Variants in UBE2L3 observed in about 807,000 individuals in gnomAD.
The protein encoded by UBE2L3 is ubiquitin conjugating enzyme E2 L3.
UBE2L3 carries 1 observed loss-of-function variant against 17.8 expected under a neutral mutation model. That is an observed-to-expected ratio of 0.06 (90% CI 0.02 to 0.27). UBE2L3 has a LOEUF of 0.27. UBE2L3 is among the 10% of genes least tolerant of loss of function. UBE2L3 has a pLI of 1.00. For missense variants in UBE2L3, 40 were observed against 192.6 expected (o/e 0.21, Z 4.69); for synonymous variants, 44 against 68.5 (o/e 0.64, Z 1.76).
At chr22:21,562,192 T>G (rs1367406947) in intron 1 of UBE2L3, among the ~76,000 whole-genome samples, 87 of 148,414 alleles carry the variant, frequency 5.9e-4, no homozygotes, top group African/African-American at 2.0e-3. Flanking sequence ...TACCTCTTTT[T>G]TTTTTCTTTT....
chr22:21,582,781 C>T (rs762326278), intron 1 of UBE2L3, among the ~76,000 whole-genome samples: 32 of 152,172 alleles, frequency 2.1e-4, no homozygotes, highest in Non-Finnish European at 4.1e-4. Flanking sequence ...GCCTCAGCCT[C>T]CCAAAGTGCT....
At chr22:21,601,710 G>T (rs934764897) in intron 2 of UBE2L3, among the ~76,000 whole-genome samples, 1 of 150,240 alleles carries the variant, frequency 6.7e-6, no homozygotes, top group Non-Finnish European at 1.5e-5. Flanking sequence ...GCTCACTCAC[G>T]CCTGTAATCC....
intron 2 of UBE2L3, among the ~76,000 whole-genome samples, chr22:21,604,732 T>C (rs1395401317): frequency 6.6e-6 from 1 of 152,186 alleles, no homozygotes; most frequent in Non-Finnish European, 1.5e-5. Context: ...GTATATCTTA[T>C]GTTTTAATTT....
chr22:21,575,857 G>T (rs1237475077), intron 1 of UBE2L3, among the ~76,000 whole-genome samples: 3 of 151,484 alleles, frequency 2.0e-5, no homozygotes, highest in Non-Finnish European at 4.4e-5. Context: ...TCCCAGGCTG[G>T]TCTCGAACTC....
intron 3 of UBE2L3, among the ~76,000 whole-genome samples, chr22:21,614,830 G>C (rs1465515701): frequency 6.7e-6 from 1 of 150,162 alleles, no homozygotes; most frequent in Non-Finnish European, 1.5e-5. Context: ...AGTGAAAAGA[G>C]CCCAAATGTC....
intron 3 of UBE2L3, among the ~76,000 whole-genome samples, chr22:21,618,580 A>T (rs996424291): frequency 4.0e-5 from 6 of 150,784 alleles, no homozygotes; most frequent in African/African-American, 7.3e-5. Context: ...CATCTCAAAA[A>T]ATATATATAT....
At chr22:21,568,148 G>A in intron 1 of UBE2L3, 1 of 1,024,014 alleles carries the variant, frequency 9.8e-7, no homozygotes, top group African/African-American at 1.7e-5. Flanking sequence ...CCCGAGCGCC[G>A]GAGCCCCTGC....
chr22:21,597,775 A>ATTTTTTTTTTTTTTTTTTTTTTTTT lies in UBE2L3; in HGVS notation c.123+4827_123+4851dup, dbSNP rs35054754. Among the ~76,000 whole-genome samples, 7 of 25,600 alleles carry ATTTTTTTTTTTTTTTTTTTTTTTTT rather than the reference A, an allele frequency of 2.7e-4. 2 individuals carry two copies. The highest frequency in any genetic ancestry group is 1.1e-3 in the East Asian group (1 of 894). 16.8% of individuals were successfully genotyped at this position (25,600 alleles called of 152,430 possible). ...GGATCTTTGATCCATTTATATGTAG[A>ATTTTTTTTTTTTTTTTTTTTTTTTT]TTTTTTTTTTTTTTTTTTTTTTTTT... On this transcript the variant is annotated intron_variant, in intron 2 of 3. Transcript: ENST00000342192.
chr22:21,612,742 C>T (rs1393468518), intron 3 of UBE2L3, among the ~76,000 whole-genome samples: 1 of 138,196 alleles, frequency 7.2e-6, no homozygotes, highest in African/African-American at 2.8e-5. Flanking sequence ...CTCCCGGGTT[C>T]AAGCAATTCT....
At chr22:21,552,363 TG>T (rs1176263240) in intron 1 of UBE2L3, among the ~76,000 whole-genome samples, 2 of 138,708 alleles carry the variant, frequency 1.4e-5, no homozygotes, top group Admixed American at 1.5e-4. Flanking sequence ...GCTAATTTTT[TG>T]TACTTTTTAG....
At chr22:21,613,004 G>T (rs1015951816) in intron 3 of UBE2L3, among the ~76,000 whole-genome samples, 16 of 152,194 alleles carry the variant, frequency 1.1e-4, no homozygotes, top group Admixed American at 3.3e-4. Context: ...GATCAAGAGT[G>T]TTCAGTAATT....
upstream of UBE2L3, among the ~76,000 whole-genome samples, chr22:21,563,009 C>T (rs937868292): frequency 4.6e-5 from 7 of 151,348 alleles, no homozygotes; most frequent in African/African-American, 7.3e-5. Context: ...TTTGGGAGGC[C>T]GAAATGGGCG....
intron 1 of UBE2L3, among the ~76,000 whole-genome samples, chr22:21,569,011 C>G (rs1349618196): frequency 2.0e-5 from 3 of 152,146 alleles, no homozygotes; most frequent in African/African-American, 7.2e-5. Context: ...CACCATTCAC[C>G]AGATAAGGGG....
intron 3 of UBE2L3, among the ~76,000 whole-genome samples, chr22:21,615,720 G>A (rs905339979): frequency 6.6e-6 from 1 of 152,110 alleles, no homozygotes; most frequent in Admixed American, 6.5e-5. Flanking sequence ...CAATACTCTC[G>A]GCACTCGTCT....
Sources: gnomAD v4.1 joint callset for allele counts (sites outside exome capture counted in the v4.1 genomes callset) on GRCh38, gnomAD v4.1.1 for gene constraint, MANE v1.5 for transcripts, NCBI Gene and HGNC (gene_info 2026-07-23, HGNC 2026-07-21) for gene names.